Variants in GALNTL6 observed in about 807,000 individuals in gnomAD.
The protein encoded by GALNTL6 is polypeptide N-acetylgalactosaminyltransferase like 6, also known as polypeptide N-acetylgalactosaminyltransferase-like 6.
GALNTL6 carries 46 observed loss-of-function variants against 73.7 expected under a neutral mutation model. The ratio of observed to expected loss-of-function variants is 0.62; its 90% confidence interval spans 0.49 to 0.80. The LOEUF (loss-of-function observed/expected upper bound fraction) is 0.80, where lower values mean the gene tolerates loss of function less well. Among genes scored for constraint, GALNTL6 ranks in the 30% least tolerant of loss-of-function variants. The pLI, the probability that GALNTL6 is intolerant of heterozygous loss-of-function variation, is 0.00. For missense variants in GALNTL6, 604 were observed against 755.0 expected, an observed-to-expected ratio of 0.80 and a Z score of 2.34; for synonymous variants, 259 against 263.7, an observed-to-expected ratio of 0.98 and a Z score of 0.17.
intron 10 of GALNTL6, among the ~76,000 whole-genome samples, chr4:172,982,678 A>G (rs1416419670): frequency 6.6e-6 from 1 of 152,228 alleles, no homozygotes; most frequent in Non-Finnish European, 1.5e-5. Context: ...GCAGCCCACA[A>G]AAAGATATGT....
chr4:172,235,846 G>A (rs1737224035), intron 3 of GALNTL6, among the ~76,000 whole-genome samples: 1 of 151,870 alleles, frequency 6.6e-6, no homozygotes, highest in Non-Finnish European at 1.5e-5. Flanking sequence ...TTTTGTCCAG[G>A]TATGCCCAGT....
chr4:172,082,942 C>A (rs1731923282), intron 2 of GALNTL6, among the ~76,000 whole-genome samples: 1 of 152,062 alleles, frequency 6.6e-6, no homozygotes, highest in Non-Finnish European at 1.5e-5. Flanking sequence ...GTTTGTACTT[C>A]TTTTTTGGTG....
At chr4:172,052,625 G>C in intron 2 of GALNTL6, 7 of 707,652 alleles carry the variant, frequency 9.9e-6, no homozygotes, top group Non-Finnish European at 9.1e-6. Flanking sequence ...GGACTTTAGG[G>C]TCACGTAGTC....
At chr4:172,778,975 A>ACT (rs796418429) in intron 5 of GALNTL6, among the ~76,000 whole-genome samples, 233 of 143,580 alleles carry the variant, frequency 1.6e-3, no homozygotes, top group African/African-American at 4.6e-3. Context: ...ACCCCCCTTC[A>ACT]CTCTCTCTCT....
intron 3 of GALNTL6, among the ~76,000 whole-genome samples, chr4:172,258,120 A>G (rs976945621): frequency 1.3e-5 from 2 of 151,312 alleles, no homozygotes; most frequent in Non-Finnish European, 3.0e-5. Flanking sequence ...TCGGGAATAT[A>G]CTGGACAAAA....
At chr4:172,471,275 A>T (rs1561098522) in intron 5 of GALNTL6, among the ~76,000 whole-genome samples, 1 of 152,194 alleles carries the variant, frequency 6.6e-6, no homozygotes, top group Non-Finnish European at 1.5e-5. Flanking sequence ...TCCCAATTCC[A>T]GAGTTCTATC....
chr4:172,138,254 C>T (rs574023094), intron 2 of GALNTL6, among the ~76,000 whole-genome samples: 3 of 151,128 alleles, frequency 2.0e-5, no homozygotes, highest in East Asian at 3.9e-4. Flanking sequence ...TTATGAATTA[C>T]GCAGACCCAC....
At chr4:173,028,965 G>T (rs190992084) in intron 12 of GALNTL6, among the ~76,000 whole-genome samples, 2 of 152,138 alleles carry the variant, frequency 1.3e-5, no homozygotes, top group Admixed American at 6.5e-5. Context: ...TTTGGCATCT[G>T]CCTACATTTG....
intron 2 of GALNTL6, among the ~76,000 whole-genome samples, chr4:172,030,256 A>G (rs1741726983): frequency 6.6e-6 from 1 of 152,140 alleles, no homozygotes; most frequent in Admixed American, 6.6e-5. Context: ...TCTAATCGAG[A>G]AAAACCACAA....
intron 5 of GALNTL6, among the ~76,000 whole-genome samples, chr4:172,630,857 A>G (rs972855469): frequency 4.0e-5 from 6 of 150,844 alleles, no homozygotes; most frequent in African/African-American, 1.2e-4. Flanking sequence ...TATGTTATAT[A>G]CATATATATA....
At chr4:173,025,244 G>A (rs1332354410) in intron 12 of GALNTL6, among the ~76,000 whole-genome samples, 1 of 152,130 alleles carries the variant, frequency 6.6e-6, no homozygotes, top group African/African-American at 2.4e-5. Flanking sequence ...CCTGTTCCTG[G>A]TTTTCTTTTA....
At chr4:172,514,540 A>G (rs1323374980) in intron 5 of GALNTL6, among the ~76,000 whole-genome samples, 2 of 151,542 alleles carry the variant, frequency 1.3e-5, no homozygotes, top group African/African-American at 4.9e-5. Flanking sequence ...TTTCAGCTTC[A>G]CCTCTCCCTA....
At chr4:172,173,263 C>T (rs1183486668) in intron 2 of GALNTL6, among the ~76,000 whole-genome samples, 3 of 152,212 alleles carry the variant, frequency 2.0e-5, no homozygotes, top group Non-Finnish European at 2.9e-5. Context: ...CTCTGAAGAG[C>T]TGACTTTTAA....
intron 2 of GALNTL6, among the ~76,000 whole-genome samples, chr4:172,054,900 G>A (rs60380191): frequency 0.024 from 3,674 of 152,132 alleles, 158 homozygotes; most frequent in African/African-American, 0.079. Context: ...TTTTGATAAC[G>A]GAGAATGGAT....
At chr4:172,612,684 T>G (rs940138110) in intron 5 of GALNTL6, among the ~76,000 whole-genome samples, 7 of 152,094 alleles carry the variant, frequency 4.6e-5, no homozygotes, top group Non-Finnish European at 1.0e-4. Context: ...ACATGTAATG[T>G]AAAAATTCTC....
chr4:172,369,121 A>G (rs1324443553), intron 5 of GALNTL6, among the ~76,000 whole-genome samples: 1 of 152,108 alleles, frequency 6.6e-6, no homozygotes, highest in African/African-American at 2.4e-5. Flanking sequence ...TCCATTCTAC[A>G]GAGAGCTGAT....
intron 5 of GALNTL6, among the ~76,000 whole-genome samples, chr4:172,406,620 C>T (rs1371855624): frequency 6.6e-6 from 1 of 151,950 alleles, no homozygotes; most frequent in African/African-American, 2.4e-5. Context: ...AACTTAGTTG[C>T]CTGAGTTCTT....
chr4:172,392,569 G>C (rs1743704407), intron 5 of GALNTL6, among the ~76,000 whole-genome samples: 1 of 151,532 alleles, frequency 6.6e-6, no homozygotes. Flanking sequence ...CACCATTCCT[G>C]GGCAATTTAC....
intron 12 of GALNTL6, among the ~76,000 whole-genome samples, chr4:173,023,669 A>AG (rs375746616): frequency 2.6e-5 from 4 of 152,024 alleles, no homozygotes; most frequent in Admixed American, 6.6e-5. Flanking sequence ...TCCCAAAAAA[A>AG]GCAAAAAAAA....
Sources: allele counts gnomAD v4.1 joint callset (sites outside exome capture counted in the v4.1 genomes callset), GRCh38; gene constraint gnomAD v4.1.1; transcripts MANE v1.5; gene names NCBI Gene and HGNC (gene_info 2026-07-23, HGNC 2026-07-21).